Variants in DYNC1I1 observed in about 807,000 individuals in gnomAD.
DYNC1I1 encodes dynein cytoplasmic 1 intermediate chain 1.
DYNC1I1 carries 43 observed loss-of-function variants against 86.6 expected under a neutral mutation model. The observed-to-expected ratio is 0.50, with a 90% confidence interval of 0.39 to 0.64. DYNC1I1 has a LOEUF of 0.64. DYNC1I1 is among the 30% of genes least tolerant of loss of function. DYNC1I1 has a pLI of 0.00. For synonymous variants in DYNC1I1, 262 were observed against 283.7 expected (o/e 0.92, Z 0.77); for missense variants, 604 against 788.8 (o/e 0.77, Z 2.81).
chr7:95,961,345 G>GA (rs907477816), intron 6 of DYNC1I1, among the ~76,000 whole-genome samples: 3 of 152,060 alleles, frequency 2.0e-5, no homozygotes, highest in African/African-American at 7.2e-5. Flanking sequence ...TCCATTCAGT[G>GA]AAAAAACTAA....
At chr7:95,832,627 C>A (rs1468610921) in intron 5 of DYNC1I1, among the ~76,000 whole-genome samples, 1 of 152,060 alleles carries the variant, frequency 6.6e-6, no homozygotes, top group Non-Finnish European at 1.5e-5. Context: ...CTCTCCAGCA[C>A]CTGTTATTTC....
chr7:96,057,321 A>G (rs914897333), intron 14 of DYNC1I1, among the ~76,000 whole-genome samples: 3 of 152,134 alleles, frequency 2.0e-5, no homozygotes, highest in African/African-American at 7.2e-5. Context: ...GTCCTAATGA[A>G]GATTCCAGTT....
At chr7:95,917,072 T>C (rs1205221056) in intron 6 of DYNC1I1, among the ~76,000 whole-genome samples, 2 of 152,176 alleles carry the variant, frequency 1.3e-5, no homozygotes, top group African/African-American at 2.4e-5. Context: ...GAGGTTCTTA[T>C]GTGAAAGTTG....
rs1313078286 is a variant in DYNC1I1 at position 95,843,101 on chromosome 7, T to A, written c.374+14985T>A. ...TATTCTACACATTGCCCCATAAATCTTAAGGTTTTCCAGTTTGACTGGCGT... is the reference window on the plus strand; with the variant it reads ...TATTCTACACATTGCCCCATAAATCATAAGGTTTTCCAGTTTGACTGGCGT... On this transcript the variant is annotated intron_variant, in intron 5 of 16. Transcript: ENST00000447467. 5.3e-5 allele frequency among the ~76,000 whole-genome samples: 8 copies of A among 152,214 alleles called. 1 individual carries two copies. Among genetic ancestry groups the A allele is most frequent in the Non-Finnish European group, 1.0e-4 (7 of 68,038 alleles).
At chr7:96,013,253 G>T (rs1794320570) in intron 10 of DYNC1I1, among the ~76,000 whole-genome samples, 1 of 152,090 alleles carries the variant, frequency 6.6e-6, no homozygotes, top group Non-Finnish European at 1.5e-5. Context: ...TGGCTTTGAG[G>T]GTGAAAGGTG....
chr7:95,909,236 AGGGGGGTGGGGGGG>A (rs1791259482), intron 6 of DYNC1I1, among the ~76,000 whole-genome samples: 1 of 3,758 alleles, frequency 2.7e-4, no homozygotes, highest in Non-Finnish European at 4.5e-4. Flanking sequence ...GGAGGGTGGG[AGGGGGGTGGGGGGG>A]GGGGGCGGGG....
intron 6 of DYNC1I1, among the ~76,000 whole-genome samples, chr7:95,942,087 G>T (rs1328520892): frequency 2.0e-5 from 3 of 152,224 alleles, no homozygotes; most frequent in South Asian, 2.1e-4. Flanking sequence ...CCAGGAGCTG[G>T]TTTTTTGAAA....
chr7:96,084,038 T>C (rs969409416), intron 16 of DYNC1I1, among the ~76,000 whole-genome samples: 12 of 152,202 alleles, frequency 7.9e-5, no homozygotes, highest in African/African-American at 2.2e-4. Context: ...CCAGTGTTGA[T>C]TTGAGGAGAT....
intron 6 of DYNC1I1, among the ~76,000 whole-genome samples, chr7:95,902,446 A>G (rs1188756057): frequency 6.6e-6 from 1 of 152,166 alleles, no homozygotes; most frequent in Non-Finnish European, 1.5e-5. Context: ...ATGATGTTCT[A>G]CAGCACAAGG....
chr7:95,818,844 T>G (rs1269253679), intron 4 of DYNC1I1: 1 of 261,890 alleles, frequency 3.8e-6, no homozygotes, highest in Non-Finnish European at 7.1e-6. Flanking sequence ...TGAAAACTGT[T>G]GAACCTGCTT....
chr7:96,012,511 C>G (rs943724962), intron 10 of DYNC1I1, among the ~76,000 whole-genome samples: 1 of 152,136 alleles, frequency 6.6e-6, no homozygotes, highest in African/African-American at 2.4e-5. Flanking sequence ...AGGAAAATCT[C>G]ACAACAGATT....
downstream of DYNC1I1, among the ~76,000 whole-genome samples, chr7:96,100,681 T>TGTGTGTGTGTGTGTGG (rs1791121719): frequency 6.7e-6 from 1 of 150,292 alleles, no homozygotes; most frequent in African/African-American, 2.5e-5. Flanking sequence ...TGTGTGTGTG[T>TGTGTGTGTGTGTGTGG]GGTAAGGAAG....
At chr7:95,810,939 C>G (rs1014461538) in intron 3 of DYNC1I1, among the ~76,000 whole-genome samples, 1 of 152,034 alleles carries the variant, frequency 6.6e-6, no homozygotes, top group African/African-American at 2.4e-5. Flanking sequence ...TAGAGTTAGT[C>G]TATGATGAAA....
chr7:95,883,912 C>A (rs768263835), intron 6 of DYNC1I1, among the ~76,000 whole-genome samples: 53 of 151,834 alleles, frequency 3.5e-4, no homozygotes, highest in Non-Finnish European at 6.5e-4. Flanking sequence ...TGGAAAATAT[C>A]AATGATAGAA....
intron 14 of DYNC1I1, among the ~76,000 whole-genome samples, chr7:96,074,098 A>G (rs1339170358): frequency 1.3e-5 from 2 of 152,218 alleles, no homozygotes; most frequent in East Asian, 3.9e-4. Context: ...AAAAACTATA[A>G]GGCTAATGTC....
chr7:96,056,759 T>C (rs908047112), intron 14 of DYNC1I1, among the ~76,000 whole-genome samples: 2 of 151,808 alleles, frequency 1.3e-5, no homozygotes, highest in Non-Finnish European at 2.9e-5. Flanking sequence ...ATATAGTGTG[T>C]ATATATATAT....
chr7:96,101,024 G>A (rs373064875), downstream of DYNC1I1, among the ~76,000 whole-genome samples: 1 of 152,140 alleles, frequency 6.6e-6, no homozygotes, highest in Non-Finnish European at 1.5e-5. Flanking sequence ...GATGGTAGGA[G>A]AGGCAGTCAC....
chr7:96,058,482 C>T (rs1050439105), intron 14 of DYNC1I1, among the ~76,000 whole-genome samples: 1 of 152,168 alleles, frequency 6.6e-6, no homozygotes, highest in African/African-American at 2.4e-5. Flanking sequence ...ATTCCTTATA[C>T]TTATTCATTC....
intron 6 of DYNC1I1, among the ~76,000 whole-genome samples, chr7:95,930,537 G>C (rs1394338276): frequency 6.6e-6 from 1 of 152,152 alleles, no homozygotes; most frequent in Non-Finnish European, 1.5e-5. Flanking sequence ...GGGAGGTCTG[G>C]TTGCTATGGA....
Sources: allele counts gnomAD v4.1 joint callset (sites outside exome capture counted in the v4.1 genomes callset), GRCh38; gene constraint gnomAD v4.1.1; transcripts MANE v1.5; gene names NCBI Gene and HGNC (gene_info 2026-07-23, HGNC 2026-07-21).